The following RHCE variants were observed in gnomAD, a reference collection of about 807,000 sequenced individuals.
RHCE encodes blood group Rh(CE) polypeptide.
A neutral mutation model predicts 43.8 loss-of-function variants in RHCE; 22 were observed. The ratio of observed to expected loss-of-function variants is 0.50; its 90% CI spans 0.36 to 0.72. The LOEUF (loss-of-function observed/expected upper bound fraction) is 0.72, where lower values mean the gene tolerates loss of function less well. RHCE is among the 30% of genes least tolerant of loss of function. The probability of loss-of-function intolerance (pLI) is 0.00; values close to 1 mark genes in which losing one functional copy is unlikely to be tolerated. For synonymous variants in RHCE, 156 were observed against 210.7 expected, an observed-to-expected ratio of 0.74 and a Z score of 2.25; for missense variants, 385 against 525.4, an observed-to-expected ratio of 0.73 and a Z score of 2.61.
At chr1:25,375,779 TTCTC>T (rs1201605226) in intron 7 of RHCE, among the ~76,000 whole-genome samples, 37 of 144,308 alleles carry the variant, frequency 2.6e-4, no homozygotes, top group South Asian at 6.3e-4. Flanking sequence ...GCCTCCAGTT[TTCTC>T]TCTCTCTCTT....
At chr1:25,376,363 T>C (rs1240405814) in intron 7 of RHCE, among the ~76,000 whole-genome samples, 1 of 152,170 alleles carries the variant, frequency 6.6e-6, no homozygotes, top group Admixed American at 6.5e-5. Context: ...CCACGGATAG[T>C]TGTACACAAC....
intron 2 of RHCE, among the ~76,000 whole-genome samples, chr1:25,407,927 G>GA (rs1230842531): frequency 8.1e-6 from 1 of 123,616 alleles, no homozygotes; most frequent in Admixed American, 8.8e-5. Context: ...GTAATTTAAT[G>GA]AAAATAAAGG....
chr1:25,407,319 A>G (rs1424701212), intron 2 of RHCE, among the ~76,000 whole-genome samples: 1 of 122,902 alleles, frequency 8.1e-6, no homozygotes, highest in African/African-American at 2.5e-5. Flanking sequence ...ACCACTCTGG[A>G]GCATGTGGAA....
chr1:25,409,750 G>A (rs1210402646), intron 1 of RHCE, among the ~76,000 whole-genome samples: 7 of 144,446 alleles, frequency 4.8e-5, no homozygotes, highest in Admixed American at 2.2e-4. Flanking sequence ...ATGTGCCTAC[G>A]CTGTTTTAAT....
chr1:25,414,538 A>C (rs1195463369), intron 1 of RHCE, among the ~76,000 whole-genome samples: 1 of 152,100 alleles, frequency 6.6e-6, no homozygotes, highest in African/African-American at 2.4e-5. Flanking sequence ...GGGGCAGACC[A>C]AAGCTGCAGT....
At chr1:25,414,831 C>A (rs1397868071) in intron 1 of RHCE, among the ~76,000 whole-genome samples, 1 of 152,156 alleles carries the variant, frequency 6.6e-6, no homozygotes, top group African/African-American at 2.4e-5. Flanking sequence ...GCATGAATGA[C>A]CCTGGGTGAA....
In RHCE at chr1:25,406,376, G is replaced by A. The variant is rs564270916; in HGVS notation, c.335+2307C>T. ...CGCCCAGGCTACAGTGCAATGGCGC[G>A]ATCTCGGCTCACTATAGCCTCCGCC... On this transcript the variant is annotated intron_variant, in intron 2 of 9. Coordinates refer to ENST00000294413, the MANE Select transcript of RHCE (RefSeq NM_020485.8). Among the ~76,000 whole-genome samples the A allele has an allele frequency of 1.2e-3, 145 of 120,956 alleles. 42 individuals are homozygous for A. Among genetic ancestry groups the A allele is most frequent in the South Asian group, 4.3e-3 (10 of 2,304 alleles). 79.4% of individuals were successfully genotyped at this position (120,956 alleles called of 152,430 possible).
chr1:25,416,821 G>GGGT (rs1553161340), intron 1 of RHCE, among the ~76,000 whole-genome samples: 2 of 147,704 alleles, frequency 1.4e-5, no homozygotes, highest in African/African-American at 5.1e-5. Flanking sequence ...AGAGATGGCG[G>GGGT]GGGGGGGTCT....
At chr1:25,411,200 G>T in intron 1 of RHCE, 1 of 1,005,446 alleles carries the variant, frequency 9.9e-7, no homozygotes, top group Non-Finnish European at 1.4e-6. Flanking sequence ...ACAGAATAAG[G>T]GTAATTAGAG....
intron 3 of RHCE, among the ~76,000 whole-genome samples, chr1:25,397,047 G>A (rs1441513255): frequency 2.8e-5 from 4 of 145,354 alleles, no homozygotes; most frequent in African/African-American, 1.1e-4. Flanking sequence ...AGGAGGCGGA[G>A]GTTGCAGTGA....
intron 7 of RHCE, among the ~76,000 whole-genome samples, chr1:25,381,176 C>T (rs1645986422): frequency 6.6e-6 from 1 of 152,172 alleles, no homozygotes; most frequent in Middle Eastern, 3.2e-3. Flanking sequence ...TACGGATTTT[C>T]TGCTTTCCAT....
chr1:25,383,024 C>T (rs1195946240), intron 7 of RHCE, among the ~76,000 whole-genome samples: 1 of 152,188 alleles, frequency 6.6e-6, no homozygotes, highest in Non-Finnish European at 1.5e-5. Context: ...CCAGATATGG[C>T]AGTCTGAGGT....
chr1:25,424,754 G>T (rs1258405656), upstream of RHCE, among the ~76,000 whole-genome samples: 1 of 151,946 alleles, frequency 6.6e-6, no homozygotes, highest in Non-Finnish European at 1.5e-5. Flanking sequence ...AGGGTTCCTT[G>T]TGTTCCCCTT....
chr1:25,393,615 C>A (rs989886684), intron 3 of RHCE, among the ~76,000 whole-genome samples: 1 of 151,732 alleles, frequency 6.6e-6, no homozygotes, highest in Non-Finnish European at 1.5e-5. Flanking sequence ...AGTGAGACTG[C>A]GTCAAATAAA....
chr1:25,379,498 T>A (rs1318414930), intron 7 of RHCE, among the ~76,000 whole-genome samples: 71 of 32,170 alleles, frequency 2.2e-3, no homozygotes, highest in African/African-American at 0.02. Flanking sequence ...TATATATATT[T>A]TTTTTTTTTT....
intron 1 of RHCE, among the ~76,000 whole-genome samples, chr1:25,415,606 C>T (rs1234751126): frequency 2.6e-5 from 4 of 151,974 alleles, no homozygotes; most frequent in Admixed American, 6.5e-5. Context: ...GAGCCAAGAT[C>T]GCACCACTGC....
chr1:25,393,560 G>A lies in RHCE; in HGVS notation c.487-1419C>T, dbSNP rs1377246897. 3.3e-5 allele frequency among the ~76,000 whole-genome samples: 5 copies of A among 152,332 alleles called. No homozygotes were observed. In the South Asian group the frequency reaches 6.2e-4, roughly 19 times the overall value. On this transcript the variant is annotated intron_variant, in intron 3 of 9. Transcript: ENST00000294413. Reference sequence around the variant, plus strand: ...CACTGGAACCTGGGAGGCAGAGGCTGTAGTGAGCTGAGATGGCGCCACTGC... The same window carrying A: ...CACTGGAACCTGGGAGGCAGAGGCTATAGTGAGCTGAGATGGCGCCACTGC...
At chr1:25,399,521 CT>C (rs1646663127) in intron 3 of RHCE, among the ~76,000 whole-genome samples, 1 of 152,046 alleles carries the variant, frequency 6.6e-6, no homozygotes, top group Non-Finnish European at 1.5e-5. Flanking sequence ...GAGAATCCAG[CT>C]TTAGTATGAT....
chr1:25,374,187 TA>T (rs1274085810), intron 8 of RHCE, among the ~76,000 whole-genome samples: 1 of 140,276 alleles, frequency 7.1e-6, no homozygotes, highest in Admixed American at 7.0e-5. Context: ...CTCCCGGGTT[TA>T]AGCAATTCTC....
Sources: gnomAD v4.1 joint callset for allele counts (sites outside exome capture counted in the v4.1 genomes callset) on GRCh38, gnomAD v4.1.1 for gene constraint, MANE v1.5 for transcripts, NCBI Gene and HGNC (gene_info 2026-07-23, HGNC 2026-07-21) for gene names.